The following GEMIN5 variants were observed in gnomAD, a reference collection of about 807,000 sequenced individuals.
The protein encoded by GEMIN5 is gem-associated protein 5.
Under a neutral mutation model 176.9 loss-of-function variants are expected in GEMIN5, and 124 were observed. The ratio of observed to expected loss-of-function variants is 0.70; its 90% confidence interval spans 0.61 to 0.81. The LOEUF is 0.81. Among genes scored for constraint, GEMIN5 ranks in the 40% least tolerant of loss-of-function variants. The pLI, the probability that GEMIN5 is intolerant of heterozygous loss-of-function variation, is 0.00. For synonymous variants in GEMIN5, 673 were observed against 665.2 expected, an observed-to-expected ratio of 1.01 and a Z score of -0.18; for missense variants, 1,843 against 1,814.6, an observed-to-expected ratio of 1.02 and a Z score of -0.28.
intron 9 of GEMIN5, among the ~76,000 whole-genome samples, chr5:154,921,658 C>T (rs947569985): frequency 6.6e-6 from 1 of 151,968 alleles, no homozygotes; most frequent in Non-Finnish European, 1.5e-5. Flanking sequence ...ACTACCAAAA[C>T]GATTAAGTCC....
intron 22 of GEMIN5, 49 bp from the exon 23 acceptor site, chr5:154,898,699 T>C: frequency 7.3e-7 from 1 of 1,374,304 alleles, no homozygotes; most frequent in Non-Finnish European, 1.0e-6. Context: ...CAGATTTTTA[T>C]TCCCATTCCT....
At chr5:154,890,984 T>TAC (rs1011056997) in intron 26 of GEMIN5, among the ~76,000 whole-genome samples, 10 of 151,472 alleles carry the variant, frequency 6.6e-5, no homozygotes, top group African/African-American at 2.4e-4. Flanking sequence ...TCAAACTCCT[T>TAC]ACTTCAAGTG....
chr5:154,934,789 T>A (rs925437820), intron 3 of GEMIN5, among the ~76,000 whole-genome samples: 4 of 152,234 alleles, frequency 2.6e-5, no homozygotes, highest in African/African-American at 7.2e-5. Context: ...CAGTGAACAC[T>A]GGGCCTATAA....
rs755702186 is a variant in GEMIN5 at position 154,891,521 on chromosome 5, G to C, written c.3982C>G (p.Pro1328Ala). 3 of 1,614,120 alleles carry C rather than the reference G, an allele frequency of 1.9e-6. No homozygotes were observed. The highest frequency in any genetic ancestry group is 1.1e-5 in the South Asian group (1 of 91,080). Residue 1328 changes from proline to alanine, a missense_variant, in exon 26 of 28, where the codon CCT (proline) becomes GCT (alanine). Coordinates refer to ENST00000285873, the MANE Select transcript of GEMIN5 (RefSeq NM_015465.5). ...LDTASTEETDPETSQPEPNRP... is the reference protein window; with the variant it reads ...LDTASTEETDAETSQPEPNRP... ...TTTGGCTCTGGCTGAGAAGTTTCAG[G>C]GTCCGTTTCTTCAGTGCTGGCAGTG... is the stretch of plus-strand genomic sequence containing the variant.
chr5:154,904,192 G>A (rs1763523979), intron 18 of GEMIN5, among the ~76,000 whole-genome samples: 1 of 152,036 alleles, frequency 6.6e-6, no homozygotes, highest in African/African-American at 2.4e-5. Flanking sequence ...AGAGTTGAAG[G>A]AGTTTATTCA....
intron 9 of GEMIN5, among the ~76,000 whole-genome samples, chr5:154,924,052 T>C (rs1003211018): frequency 6.6e-6 from 1 of 152,244 alleles, no homozygotes; most frequent in African/African-American, 2.4e-5. Flanking sequence ...ACTGAAAGTA[T>C]TATTTAAAAT....
Position 154,927,444 on chromosome 5 carries a change from ATAAAT to A in GEMIN5, c.1016_1020del (p.Asn339MetfsTer8). 2 of 1,598,412 alleles carry A rather than the reference ATAAAT, an allele frequency of 1.3e-6. No individual in the cohort carries two copies. The highest frequency in any genetic ancestry group is 1.7e-6 in the Non-Finnish European group (2 of 1,165,518). ...TTGTCATCCTCTGTTTGTAAAGGAC[ATAAAT>A]TAAACACAATTCTTGAATGATTTTG... On this transcript the variant is annotated frameshift_variant, in exon 7 of 28. Coordinates refer to ENST00000285873, the MANE Select transcript of GEMIN5 (RefSeq NM_015465.5). LOFTEE classifies it high-confidence loss of function.
chr5:154,899,328 C>T lies in GEMIN5; in HGVS notation c.3015-18G>A, dbSNP rs816740. 1,564,124 of 1,600,382 alleles carry T rather than the reference C, an allele frequency of 0.98. 764,867 individuals are homozygous for T. Among genetic ancestry groups the T allele is most frequent in the Middle Eastern group, 0.99 (5,949 of 5,998 alleles). ...TAGCTTCCCTAAAGGCAAGAACAGA[C>T]CCTTTAGCCAATCTGAAAAGGCTCC... On this transcript the variant is annotated intron_variant, in intron 21 of 27. Coordinates refer to ENST00000285873, the MANE Select transcript of GEMIN5 (RefSeq NM_015465.5).
At chr5:154,905,894 T>C (rs1763558338) in intron 16 of GEMIN5, among the ~76,000 whole-genome samples, 1 of 152,178 alleles carries the variant, frequency 6.6e-6, no homozygotes. Flanking sequence ...TTTCGCCATG[T>C]TGGCCAGGGT....
chr5:154,936,569 C>A (rs1340507536), intron 2 of GEMIN5, among the ~76,000 whole-genome samples: 1 of 152,176 alleles, frequency 6.6e-6, no homozygotes, highest in African/African-American at 2.4e-5. Flanking sequence ...TTAAGTAGGT[C>A]TTTTCCTTTG....
intron 19 of GEMIN5, 126 bp from the exon 20 acceptor site, chr5:154,902,802 G>A: frequency 1.1e-6 from 1 of 939,488 alleles, no homozygotes; most frequent in Non-Finnish European, 1.6e-6. Flanking sequence ...TCTGATGGGT[G>A]TCACCTACCA....
At chr5:154,920,584 C>T (rs943959633) in intron 10 of GEMIN5, among the ~76,000 whole-genome samples, 1 of 152,166 alleles carries the variant, frequency 6.6e-6, no homozygotes, top group African/African-American at 2.4e-5. Context: ...AACAGTAATT[C>T]TGGTGGGTTT....
intron 11 of GEMIN5, among the ~76,000 whole-genome samples, chr5:154,919,430 T>C (rs766957992): frequency 1.3e-5 from 2 of 152,196 alleles, no homozygotes; most frequent in Non-Finnish European, 2.9e-5. Flanking sequence ...AGAACACAAA[T>C]GTAATTAAAT....
chr5:154,903,065 C>T lies in GEMIN5; in HGVS notation c.2728+15G>A. 1.3e-6 allele frequency: 2 copies of T among 1,483,034 alleles called. No homozygotes were observed. Among genetic ancestry groups the T allele is most frequent in the Non-Finnish European group, 1.9e-6 (2 of 1,066,622 alleles). 91.9% of individuals were successfully genotyped at this position (1,483,034 alleles called of 1,614,324 possible). On this transcript the variant is annotated intron_variant, in intron 19 of 27. Coordinates refer to ENST00000285873, the MANE Select transcript of GEMIN5 (RefSeq NM_015465.5). ...ATAAAGATGGATGAGATTATGTTGA[C>T]TGGATTTGTCTCACCTTCAATATCA...
intron 26 of GEMIN5, among the ~76,000 whole-genome samples, 187 bp downstream of exon 26, chr5:154,891,054 G>GAT (rs1763213453): frequency 1.3e-5 from 1 of 74,274 alleles, no homozygotes; most frequent in African/African-American, 5.3e-5. Flanking sequence ...CTGTGCCCGG[G>GAT]CTTTTTTTTT....
chr5:154,892,300 G>A, intron 25 of GEMIN5, 87 bp downstream of exon 25: 3 of 1,068,880 alleles, frequency 2.8e-6, no homozygotes, highest in Non-Finnish European at 4.1e-6. Flanking sequence ...CATCTTTTAA[G>A]AATCTAGGTA....
Position 154,903,062 on chromosome 5 carries a change from T to G in GEMIN5, c.2728+18A>C. 1 of 1,451,226 alleles carries G rather than the reference T, an allele frequency of 6.9e-7. No individual in the cohort carries two copies. Among genetic ancestry groups the G allele is most frequent in the Non-Finnish European group, 9.6e-7 (1 of 1,037,532 alleles). 89.9% of individuals were successfully genotyped at this position (1,451,226 alleles called of 1,614,324 possible). A position where few individuals can be genotyped will look rare whatever the true frequency, so the allele number is the denominator to read the frequency against. Reference sequence around the variant, plus strand: ...AGTATAAAGATGGATGAGATTATGTTGACTGGATTTGTCTCACCTTCAATA... The same window carrying G: ...AGTATAAAGATGGATGAGATTATGTGGACTGGATTTGTCTCACCTTCAATA... On this transcript the variant is annotated intron_variant, in intron 19 of 27. Transcript: ENST00000285873.
At chr5:154,927,601 A>C (rs1561727560) in intron 6 of GEMIN5, 51 bp from the exon 7 acceptor site, 1 of 1,395,164 alleles carries the variant, frequency 7.2e-7, no homozygotes. Flanking sequence ...ATCTGAAAAC[A>C]AGTGACTGTT....
intron 11 of GEMIN5, among the ~76,000 whole-genome samples, chr5:154,919,686 T>C (rs1156472658): frequency 6.6e-6 from 1 of 152,234 alleles, no homozygotes; most frequent in Non-Finnish European, 1.5e-5. Flanking sequence ...TAAATCATTG[T>C]TGCAATTGAG....
Sources: allele counts gnomAD v4.1 joint callset (sites outside exome capture counted in the v4.1 genomes callset), GRCh38; gene constraint gnomAD v4.1.1; transcripts MANE v1.5; gene names NCBI Gene and HGNC (gene_info 2026-07-23, HGNC 2026-07-21).